Variants in COL5A1 observed in about 807,000 individuals in gnomAD.
The protein encoded by COL5A1 is collagen type V alpha 1 chain.
COL5A1 carries 16 observed loss-of-function variants against 263.7 expected under a neutral mutation model. The ratio of observed to expected loss-of-function variants is 0.06; its 90% CI spans 0.04 to 0.09. COL5A1 has a LOEUF of 0.09. Ranked by LOEUF, COL5A1 falls within the 10% of genes least tolerant of loss-of-function variation. The pLI, the probability that COL5A1 is intolerant of heterozygous loss-of-function variation, is 1.00. For synonymous variants in COL5A1, 1,012 were observed against 1,004.5 expected (o/e 1.01, Z -0.14); for missense variants, 2,036 against 2,540.5 (o/e 0.80, Z 4.27).
At chr9:134,813,728 G>A (rs982488307) in intron 48 of COL5A1, among the ~76,000 whole-genome samples, 4 of 152,194 alleles carry the variant, frequency 2.6e-5, no homozygotes, top group African/African-American at 9.7e-5. Context: ...TTGGAGCAGC[G>A]CTCCGGGAAA....
In COL5A1 at chr9:134,816,989, C is replaced by T. The variant is rs530488918; in HGVS notation, c.4123-37C>T. On this transcript the variant is annotated intron_variant, in intron 52 of 65. Coordinates refer to ENST00000371817, the MANE Select transcript of COL5A1 (RefSeq NM_000093.5). ...TTGCCTCAATTGAGTCTAACGGGCC[C>T]CAATTCCTCACACTCTGTTCTTTCT... The T allele has an allele frequency of 6.9e-6, 11 of 1,600,338 alleles. No homozygotes were observed. In the African/African-American group the frequency reaches 9.4e-5, roughly 14 times the overall value.
rs182476415 is a variant in COL5A1, at chr9:134,678,124, C to T, written c.110-12788C>T. ...TCTGCAGGGGTCTTGGAGGCATTCTCCCAGCTTGCAGCCCCATGGTGCAGA... is the reference window on the plus strand; with the variant it reads ...TCTGCAGGGGTCTTGGAGGCATTCTTCCAGCTTGCAGCCCCATGGTGCAGA... On this transcript the variant is annotated intron_variant, in intron 1 of 65. Transcript: ENST00000371817. The surrounding 1 kb of genome is among the most constrained non-coding windows in gnomAD (Gnocchi z 5.5). 1.4e-4 allele frequency among the ~76,000 whole-genome samples: 21 copies of T among 152,332 alleles called. No homozygotes were observed. Among genetic ancestry groups the T allele is most frequent in the Non-Finnish European group, 2.2e-4 (15 of 68,026 alleles).
chr9:134,832,413 A>T (rs528682492), intron 64 of COL5A1, among the ~76,000 whole-genome samples: 1 of 152,250 alleles, frequency 6.6e-6, no homozygotes, highest in Non-Finnish European at 1.5e-5. Flanking sequence ...CTCCAAAAAA[A>T]AAGAAAGAAA....
chr9:134,676,790 A>C (rs959999031), intron 1 of COL5A1, among the ~76,000 whole-genome samples: 1 of 101,502 alleles, frequency 9.9e-6, no homozygotes, highest in Non-Finnish European at 2.0e-5. Context: ...TGGTTGGGTC[A>C]TTCCTGCATT....
intron 53 of COL5A1, 88 bp from the exon 54 acceptor site, chr9:134,817,690 C>T (rs1371236221): frequency 4.1e-6 from 5 of 1,232,382 alleles, no homozygotes; most frequent in Middle Eastern, 1.9e-4. Flanking sequence ...AGGCCACACA[C>T]ACACACACCC....
chr9:134,728,648 C>T (rs377161246), intron 5 of COL5A1, 22 bp from the exon 6 acceptor site: 37 of 1,613,502 alleles, frequency 2.3e-5, no homozygotes, highest in Admixed American at 6.7e-5. Flanking sequence ...TGCTTCCTCA[C>T]GGGGCCGCAA....
intron 4 of COL5A1, among the ~76,000 whole-genome samples, chr9:134,705,994 C>G (rs539553379): frequency 7.9e-4 from 120 of 152,346 alleles, no homozygotes; most frequent in Non-Finnish European, 1.4e-3. Context: ...TCACAGCAGC[C>G]CCTCAGCAAG....
intron 4 of COL5A1, among the ~76,000 whole-genome samples, chr9:134,724,868 C>T (rs575943017): frequency 2.0e-5 from 3 of 147,720 alleles, no homozygotes; most frequent in South Asian, 4.4e-4. Flanking sequence ...GAACCAGGCT[C>T]AGGTGAACCA....
At chr9:134,828,243 G>A (rs143975523) in intron 63 of COL5A1, among the ~76,000 whole-genome samples, 4 of 152,286 alleles carry the variant, frequency 2.6e-5, no homozygotes, top group Middle Eastern at 3.4e-3. Context: ...CGTCACTGAG[G>A]CCTGCCCTGC....
At chr9:134,790,827 C>T (rs974053176) in intron 32 of COL5A1, among the ~76,000 whole-genome samples, 3 of 152,012 alleles carry the variant, frequency 2.0e-5, no homozygotes, top group Admixed American at 6.6e-5. Context: ...TGAGGTACCC[C>T]GGTGGGCTGC....
At chr9:134,756,591 C>T (rs1283440082) in intron 16 of COL5A1, among the ~76,000 whole-genome samples, 174 bp from the exon 17 acceptor site, 3 of 152,206 alleles carry the variant, frequency 2.0e-5, no homozygotes, top group Admixed American at 6.5e-5. Context: ...AGAACAGCCC[C>T]GCCCGGGCTC....
chr9:134,719,073 C>T (rs1451624168), intron 4 of COL5A1, among the ~76,000 whole-genome samples: 1 of 152,114 alleles, frequency 6.6e-6, no homozygotes, highest in Non-Finnish European at 1.5e-5. Flanking sequence ...GTGGGGTGGG[C>T]TTAGGACAAG....
chr9:134,802,821 G>C, intron 38 of COL5A1, 67 bp from the exon 39 acceptor site: 1 of 1,203,528 alleles, frequency 8.3e-7, no homozygotes, highest in South Asian at 1.3e-5. Flanking sequence ...CTTAGATTTA[G>C]GAAGAGATTC....
intron 1 of COL5A1, among the ~76,000 whole-genome samples, chr9:134,675,820 G>T (rs1221402138): frequency 6.6e-6 from 1 of 152,124 alleles, no homozygotes; most frequent in Non-Finnish European, 1.5e-5. Context: ...ATGGTGTCTT[G>T]GTCCTAAGAA....
chr9:134,726,530 A>C (rs1443707115), intron 4 of COL5A1, among the ~76,000 whole-genome samples: 2 of 151,842 alleles, frequency 1.3e-5, no homozygotes, highest in Non-Finnish European at 2.9e-5. Flanking sequence ...GTGTATGTGC[A>C]GATGGATGGA....
chr9:134,723,929 TG>T (rs1313776241), intron 4 of COL5A1, among the ~76,000 whole-genome samples: 4 of 152,174 alleles, frequency 2.6e-5, no homozygotes, highest in African/African-American at 9.7e-5. Flanking sequence ...AAACACAAGT[TG>T]GGGTCACCCA....
At chr9:134,828,737 A>G (rs1430278343) in intron 63 of COL5A1, among the ~76,000 whole-genome samples, 1 of 152,026 alleles carries the variant, frequency 6.6e-6, no homozygotes, top group Non-Finnish European at 1.5e-5. Context: ...AGACACACAG[A>G]TACCACACAC....
At chr9:134,808,502 T>C (rs1013365927) in intron 42 of COL5A1, among the ~76,000 whole-genome samples, 2 of 152,242 alleles carry the variant, frequency 1.3e-5, no homozygotes, top group Non-Finnish European at 2.9e-5. Flanking sequence ...CATGTATGCA[T>C]GCACATACAT....
At chr9:134,667,435 T>A (rs1214495240) in intron 1 of COL5A1, among the ~76,000 whole-genome samples, 2 of 152,148 alleles carry the variant, frequency 1.3e-5, no homozygotes, top group Admixed American at 6.5e-5. Flanking sequence ...CTCTGTTTGG[T>A]CACTGGTGCT....
Sources: gnomAD v4.1 joint callset for allele counts (sites outside exome capture counted in the v4.1 genomes callset) on GRCh38, gnomAD v4.1.1 for gene constraint, Gnocchi (gnomAD v3.1) non-coding constraint, MANE v1.5 for transcripts, NCBI Gene and HGNC (gene_info 2026-07-23, HGNC 2026-07-21) for gene names.